The following KAZN variants were observed in gnomAD, a reference collection of about 807,000 sequenced individuals.
The protein encoded by KAZN is kazrin, periplakin interacting protein.
In KAZN, 40 loss-of-function variants were observed where a neutral mutation model predicts 87.4. The observed-to-expected ratio is 0.46, with a 90% confidence interval of 0.36 to 0.60. KAZN has a LOEUF of 0.60. Ranked by LOEUF, KAZN falls within the 20% of genes least tolerant of loss-of-function variation. The pLI, the probability that KAZN is intolerant of heterozygous loss-of-function variation, is 0.00. For synonymous variants in KAZN, 466 were observed against 458.3 expected, an observed-to-expected ratio of 1.02 and a Z score of -0.22; for missense variants, 898 against 1,073.9, an observed-to-expected ratio of 0.84 and a Z score of 2.29.
At chr1:14,560,199 G>T (rs565727316) in intron 2 of KAZN, among the ~76,000 whole-genome samples, 1 of 152,128 alleles carries the variant, frequency 6.6e-6, no homozygotes, top group Non-Finnish European at 1.5e-5. Flanking sequence ...AAATCCCAAA[G>T]TATGACAATT....
At chr1:13,961,679 A>G (rs527998580) in intron 1 of KAZN, among the ~76,000 whole-genome samples, 25 of 152,296 alleles carry the variant, frequency 1.6e-4, no homozygotes, top group Non-Finnish European at 3.2e-4. Flanking sequence ...ACAATTTTCT[A>G]CTACTTTGTT....
chr1:14,651,913 A>G (rs112059525), intron 1 of KAZN, among the ~76,000 whole-genome samples: 8,065 of 152,302 alleles, frequency 0.053, 260 homozygotes, highest in South Asian at 0.086. Context: ...GATACCCATG[A>G]TCCCACACAA....
chr1:14,914,342 C>G (rs1201472204), intron 1 of KAZN, among the ~76,000 whole-genome samples: 1 of 152,194 alleles, frequency 6.6e-6, no homozygotes, highest in Non-Finnish European at 1.5e-5. Context: ...CATTTCTCAC[C>G]CACCAACAGG....
chr1:14,382,307 T>C lies in KAZN; in HGVS notation c.249+201715T>C, dbSNP rs117469591. 1.8e-3 allele frequency among the ~76,000 whole-genome samples: 278 copies of C among 152,248 alleles called. No homozygotes were observed. The South Asian group carries it at 0.02, about 11-fold the overall frequency. On this transcript the variant is annotated intron_variant, in intron 2 of 16. Transcript: ENST00000636203. ...ATCAAAATACCATTCTTCACAGAAATAGAAGAAACAATTCTTTTTTTTATT... is the reference window on the plus strand; with the variant it reads ...ATCAAAATACCATTCTTCACAGAAACAGAAGAAACAATTCTTTTTTTTATT...
At chr1:14,956,397 C>T (rs1312450456) in intron 1 of KAZN, among the ~76,000 whole-genome samples, 2 of 151,034 alleles carry the variant, frequency 1.3e-5, no homozygotes, top group African/African-American at 2.4e-5. Context: ...GTCAGGAGTT[C>T]GAGACCAGCC....
intron 2 of KAZN, among the ~76,000 whole-genome samples, chr1:15,030,961 C>T (rs1029655941): frequency 6.6e-6 from 1 of 152,254 alleles, no homozygotes; most frequent in African/African-American, 2.4e-5. Flanking sequence ...GCCTGCCTTC[C>T]ACCTGGGGAG....
intron 1 of KAZN, among the ~76,000 whole-genome samples, chr1:14,845,457 A>G (rs1427425583): frequency 6.8e-6 from 1 of 146,982 alleles, no homozygotes; most frequent in African/African-American, 2.5e-5. Flanking sequence ...AAATAGGTGG[A>G]TGGATGACTG....
intron 2 of KAZN, among the ~76,000 whole-genome samples, chr1:14,225,829 C>A (rs1647255330): frequency 6.6e-6 from 1 of 152,042 alleles, no homozygotes; most frequent in Non-Finnish European, 1.5e-5. Context: ...TGAAACTGGA[C>A]CCTGCATTTC....
intron 1 of KAZN, among the ~76,000 whole-genome samples, chr1:14,953,058 A>G (rs977865327): frequency 7.9e-5 from 12 of 151,724 alleles, no homozygotes; most frequent in African/African-American, 2.7e-4. Flanking sequence ...TGCCCGCCTC[A>G]GAACTGCACT....
At chr1:14,107,046 T>TCTTCCTTC (rs376917946) in intron 1 of KAZN, among the ~76,000 whole-genome samples, 315 of 115,552 alleles carry the variant, frequency 2.7e-3, no homozygotes, top group African/African-American at 4.9e-3. Context: ...TCCCTTCCTT[T>TCTTCCTTC]CTTCCTTCCT....
intron 2 of KAZN, among the ~76,000 whole-genome samples, chr1:14,560,876 AG>A (rs35070005): frequency 0.038 from 5,733 of 152,276 alleles, 167 homozygotes; most frequent in Non-Finnish European, 0.056. Context: ...TAACACAGCC[AG>A]GCCTTACATC....
In KAZN at chr1:14,820,528, G is replaced by C. The variant is rs1646709371; in HGVS notation, c.227-140156G>C. Among the ~76,000 whole-genome samples, 1 of 152,234 alleles carries C rather than the reference G, an allele frequency of 6.6e-6. No homozygotes were observed. The highest frequency in any genetic ancestry group is 1.5e-5 in the Non-Finnish European group (1 of 68,050). On this transcript the variant is annotated intron_variant, in intron 1 of 14. Transcript: ENST00000376030. This position sits in a 1 kb window ranked among gnomAD's most constrained non-coding sequence, Gnocchi z 4.1. ...TGGGCTGCACAGCTGCCTGAACGAAGCTGGAGCGTGCAGAACAAACTGCAT... is the reference window on the plus strand; with the variant it reads ...TGGGCTGCACAGCTGCCTGAACGAACCTGGAGCGTGCAGAACAAACTGCAT...
At chr1:14,385,710 G>C (rs1344061154) in intron 2 of KAZN, among the ~76,000 whole-genome samples, 2 of 151,252 alleles carry the variant, frequency 1.3e-5, no homozygotes, top group Non-Finnish European at 1.5e-5. Flanking sequence ...TTTTACATTT[G>C]CTGAGGAGAG....
At chr1:14,637,192 A>G (rs1416432549) in intron 1 of KAZN, among the ~76,000 whole-genome samples, 1 of 152,168 alleles carries the variant, frequency 6.6e-6, no homozygotes, top group Non-Finnish European at 1.5e-5. Flanking sequence ...GCAGCAGCTC[A>G]TCAGAAAGTG....
intron 2 of KAZN, among the ~76,000 whole-genome samples, chr1:14,551,423 C>T (rs114040514): frequency 0.022 from 3,338 of 152,280 alleles, 69 homozygotes; most frequent in South Asian, 0.14. Flanking sequence ...TCTCTATTTA[C>T]GCAGCTAGGC....
At chr1:14,353,457 G>A (rs1385894302) in intron 2 of KAZN, among the ~76,000 whole-genome samples, 3 of 152,032 alleles carry the variant, frequency 2.0e-5, no homozygotes, top group Non-Finnish European at 4.4e-5. Context: ...CTGACATTGT[G>A]ATCCACCCTC....
chr1:15,040,866 C>T (rs1672817842), intron 3 of KAZN, among the ~76,000 whole-genome samples: 1 of 152,120 alleles, frequency 6.6e-6, no homozygotes, highest in East Asian at 1.9e-4. Flanking sequence ...TGCACTTTCC[C>T]TGTCACGTGA....
intron 1 of KAZN, among the ~76,000 whole-genome samples, chr1:14,717,074 C>T (rs925373826): frequency 6.7e-6 from 1 of 150,042 alleles, no homozygotes; most frequent in Non-Finnish European, 1.5e-5. Context: ...GGACACCTGG[C>T]CAGATGTGAG....
At chr1:14,494,693 C>G (rs532341903) in intron 2 of KAZN, among the ~76,000 whole-genome samples, 38 of 152,278 alleles carry the variant, frequency 2.5e-4, no homozygotes, top group African/African-American at 8.4e-4. Flanking sequence ...TCTGTAATGT[C>G]CAAGCAAAAC....
Sources: gnomAD v4.1 joint callset for allele counts (sites outside exome capture counted in the v4.1 genomes callset) on GRCh38, gnomAD v4.1.1 for gene constraint, Gnocchi (gnomAD v3.1) non-coding constraint, MANE v1.5 for transcripts, NCBI Gene and HGNC (gene_info 2026-07-23, HGNC 2026-07-21) for gene names.